Variants in GLG1 observed in about 807,000 individuals in gnomAD.
The protein encoded by GLG1 is golgi glycoprotein 1.
GLG1 carries 38 observed loss-of-function variants against 160.5 expected under a neutral mutation model. That is an observed-to-expected ratio of 0.24 (90% CI 0.18 to 0.31). GLG1 has a LOEUF of 0.31. Ranked by LOEUF, GLG1 falls within the 10% of genes least tolerant of loss-of-function variation. GLG1 has a pLI of 1.00. For missense variants in GLG1, 1,373 were observed against 1,505.2 expected, an observed-to-expected ratio of 0.91 and a Z score of 1.45; for synonymous variants, 644 against 543.4, an observed-to-expected ratio of 1.19 and a Z score of -2.57.
intron 1 of GLG1, among the ~76,000 whole-genome samples, chr16:74,603,034 G>A (rs1434673475): frequency 6.6e-6 from 1 of 151,952 alleles, no homozygotes; most frequent in East Asian, 1.9e-4. Context: ...AGGTTGCAGT[G>A]AGCCAAGATT....
Position 74,606,787 on chromosome 16 carries a change from C to T in GLG1, c.308G>A (p.Gly103Glu). 6.2e-7 allele frequency: 1 copy of T among 1,605,554 alleles called. No homozygotes were observed. Among genetic ancestry groups the T allele is most frequent in the Non-Finnish European group, 8.5e-7 (1 of 1,176,142 alleles). Residue 103 changes from glycine (G) to glutamate (E), a missense_variant, in exon 1 of 26, where the codon GGA (glycine) becomes GAA (glutamate). Physicochemically the swap from Gly to Glu is moderately conservative, Grantham distance 98. Transcript: ENST00000422840. ...CTTCCAGCCCCCACCAGCCCCCGCT[C>T]CTCCCCGCCGGGCCGGAGGCCCACC... is the stretch of plus-strand genomic sequence containing the variant. ...PAGGPPARRG[G>E]AGAGGGWKLA... is the part of the protein sequence containing the mutation.
chr16:74,575,499 T>C (rs1246828460), intron 1 of GLG1, among the ~76,000 whole-genome samples: 4 of 152,184 alleles, frequency 2.6e-5, no homozygotes, highest in Admixed American at 2.6e-4. Flanking sequence ...ACCAGAGGAC[T>C]TTTGCTGGAA....
At chr16:74,457,530 C>T (rs539989500) in intron 24 of GLG1, among the ~76,000 whole-genome samples, 1 of 152,302 alleles carries the variant, frequency 6.6e-6, no homozygotes, top group South Asian at 2.1e-4. Flanking sequence ...CTGTCGTCAC[C>T]GGGGAAGTGT....
chr16:74,512,319 G>A (rs985823585), intron 2 of GLG1, among the ~76,000 whole-genome samples: 1 of 151,298 alleles, frequency 6.6e-6, no homozygotes, highest in African/African-American at 2.4e-5. Context: ...GTACAGTGAT[G>A]CAAGTGTGAT....
intron 1 of GLG1, among the ~76,000 whole-genome samples, chr16:74,551,348 G>A (rs1237947604): frequency 1.3e-5 from 2 of 151,980 alleles, no homozygotes; most frequent in Admixed American, 1.3e-4. Context: ...AGGGTGGAGT[G>A]CAGTGGTGTG....
chr16:74,600,226 C>T (rs574407663), intron 1 of GLG1, among the ~76,000 whole-genome samples: 45 of 152,066 alleles, frequency 3.0e-4, no homozygotes, highest in East Asian at 2.7e-3. Context: ...CATGAGTTCA[C>T]GTATATTTCC....
chr16:74,448,565 C>A lies in GLG1; in HGVS notation c.*4602G>T, dbSNP rs2014158510. The stretch of plus-strand genomic sequence containing the variant: ...AGGAGTTCGAAACCAGCGTGGCCAA[C>A]ATGATGAAATCCTGTCTCTACTAAA... On this transcript the variant is annotated 3_prime_UTR_variant, in exon 26 of 26. Coordinates refer to ENST00000422840, the MANE Select transcript of GLG1 (RefSeq NM_001145667.2). 6.6e-6 allele frequency: 1 copy of A among 152,178 alleles called. No individual in the cohort carries two copies. The highest frequency in any genetic ancestry group is 2.4e-5 in the African/African-American group (1 of 41,424). The allele number at this position is 152,178 out of a possible 1,614,324, so 9.4% of individuals were successfully genotyped here. A position where few individuals can be genotyped will look rare whatever the true frequency, so the allele number is the denominator to read the frequency against.
chr16:74,548,195 T>C (rs1297845779), intron 1 of GLG1, among the ~76,000 whole-genome samples: 5 of 152,232 alleles, frequency 3.3e-5, no homozygotes, highest in Non-Finnish European at 7.3e-5. Context: ...ATATCTGCCA[T>C]AGGACACCAG....
intron 4 of GLG1, among the ~76,000 whole-genome samples, chr16:74,497,946 T>A (rs958039943): frequency 6.6e-6 from 1 of 152,186 alleles, no homozygotes; most frequent in Non-Finnish European, 1.5e-5. Context: ...CTGAGAGTTT[T>A]CTTAAAAACC....
chr16:74,565,812 T>C (rs1431061744), intron 1 of GLG1, among the ~76,000 whole-genome samples: 2 of 152,244 alleles, frequency 1.3e-5, no homozygotes, highest in Admixed American at 6.5e-5. Flanking sequence ...TGGTTCTATG[T>C]CTCTGGAGAA....
intron 1 of GLG1, 48 bp downstream of exon 1, chr16:74,606,609 C>T: frequency 1.4e-6 from 2 of 1,480,786 alleles, no homozygotes; most frequent in Non-Finnish European, 1.8e-6. Context: ...GCAACACCCT[C>T]GGGCCCGCAC....
chr16:74,572,051 C>G (rs755653527), intron 1 of GLG1, among the ~76,000 whole-genome samples: 2 of 151,726 alleles, frequency 1.3e-5, no homozygotes, highest in Non-Finnish European at 2.9e-5. Context: ...GTGGTGGTGG[C>G]GCTTAAAAAG....
At chr16:74,547,421 A>G (rs1390098806) in intron 1 of GLG1, among the ~76,000 whole-genome samples, 2 of 152,048 alleles carry the variant, frequency 1.3e-5, no homozygotes, top group Non-Finnish European at 2.9e-5. Flanking sequence ...ATCAGACACA[A>G]CAAAAGTGTC....
chr16:74,596,712 G>C (rs139182579), intron 1 of GLG1, among the ~76,000 whole-genome samples: 1 of 152,162 alleles, frequency 6.6e-6, no homozygotes, highest in Non-Finnish European at 1.5e-5. Flanking sequence ...TTAGGGACAG[G>C]GGGGAAAATG....
intron 14 of GLG1, among the ~76,000 whole-genome samples, chr16:74,471,891 C>T (rs1460978486): frequency 1.5e-5 from 2 of 135,050 alleles, no homozygotes; most frequent in African/African-American, 5.6e-5. Context: ...ATGGTAGCAT[C>T]TCTCTCTCGA....
At chr16:74,490,978 T>C (rs748476828) in intron 8 of GLG1, 23 bp downstream of exon 8, 5 of 1,538,734 alleles carry the variant, frequency 3.2e-6, no homozygotes, top group Non-Finnish European at 3.6e-6. Flanking sequence ...ACATTCAAAA[T>C]GGCAATAGCA....
intron 2 of GLG1, among the ~76,000 whole-genome samples, chr16:74,519,476 A>G (rs900191401): frequency 2.6e-5 from 4 of 152,074 alleles, no homozygotes; most frequent in Admixed American, 6.6e-5. Context: ...CATAACTTAA[A>G]GTATAATAAT....
chr16:74,539,606 C>G (rs1409816318), intron 1 of GLG1, among the ~76,000 whole-genome samples: 1 of 151,578 alleles, frequency 6.6e-6, no homozygotes, highest in African/African-American at 2.4e-5. Context: ...TTGTCAAGTA[C>G]TAATTAAGTC....
Position 74,458,013 on chromosome 16 carries a change from T to C in GLG1, c.3145-19A>G. On this transcript the variant is annotated intron_variant, in intron 23 of 25. Transcript: ENST00000422840. ...GCACTTCCTGGAAAGGGAGGGTCAT[T>C]GCAGACAGAGCTTTTGAAGGGGAAA... 1 of 1,612,738 alleles carries C rather than the reference T, an allele frequency of 6.2e-7. No individual in the cohort carries two copies. Among genetic ancestry groups the C allele is most frequent in the Non-Finnish European group, 8.5e-7 (1 of 1,178,806 alleles).
Sources: allele counts gnomAD v4.1 joint callset (sites outside exome capture counted in the v4.1 genomes callset), GRCh38; gene constraint gnomAD v4.1.1; transcripts MANE v1.5; gene names NCBI Gene and HGNC (gene_info 2026-07-23, HGNC 2026-07-21).